The following REV3L variants were observed in gnomAD, a reference collection of about 807,000 sequenced individuals.
REV3L encodes the protein REV3 like, DNA directed polymerase zeta catalytic subunit, also known as DNA polymerase zeta catalytic subunit.
In REV3L, 69 loss-of-function variants were observed where a neutral mutation model predicts 299.4. That is an observed-to-expected ratio of 0.23 (90% confidence interval 0.19 to 0.28). The LOEUF is 0.28. Among genes scored for constraint, REV3L ranks in the 10% least tolerant of loss-of-function variants. REV3L has a pLI of 1.00. For missense variants in REV3L, 3,128 were observed against 3,693.8 expected (o/e 0.85, Z 3.97); for synonymous variants, 1,238 against 1,271.4 (o/e 0.97, Z 0.56).
At chr6:111,330,994 C>T (rs1775320269) in intron 24 of REV3L, 1 of 985,120 alleles carries the variant, frequency 1.0e-6, no homozygotes, top group Non-Finnish European at 1.2e-6. Flanking sequence ...AATTTGAGGG[C>T]TGGTGGGGTC....
At chr6:111,430,373 A>C (rs1169567249) in intron 1 of REV3L, 2 of 1,279,798 alleles carry the variant, frequency 1.6e-6, no homozygotes, top group Non-Finnish European at 2.3e-6. Context: ...AAATGAAAGA[A>C]AAGATCAAGA....
In REV3L at chr6:111,482,905, A is replaced by G. The variant is rs1276529943; in HGVS notation, c.-17T>C. 5 of 1,510,144 alleles carry G rather than the reference A, an allele frequency of 3.3e-6. No individual in the cohort carries two copies. Among genetic ancestry groups the G allele is most frequent in the Non-Finnish European group, 4.4e-6 (5 of 1,139,206 alleles). 93.5% of individuals were successfully genotyped at this position (1,510,144 alleles called of 1,614,324 possible). A position where few individuals can be genotyped will look rare whatever the true frequency, so the allele number is the denominator to read the frequency against. ...TGAAAACATGTTCGCCGCCGCCGCC[A>G]CTGCCTCCCTTCACTGGCGACCCGG... On this transcript the variant is annotated 5_prime_UTR_variant, in exon 1 of 32. Coordinates refer to ENST00000368802, the MANE Select transcript of REV3L (RefSeq NM_001372078.1).
intron 1 of REV3L, among the ~76,000 whole-genome samples, chr6:111,473,925 A>G (rs1792570458): frequency 6.6e-6 from 1 of 152,192 alleles, no homozygotes; most frequent in African/African-American, 2.4e-5. Flanking sequence ...TCTTCATACA[A>G]AATGAGTACA....
At position 111,363,660 on chromosome 6, in the gene REV3L, T is replaced by G. The variant is rs543979957; in HGVS notation, c.6879+193A>C. ...AAATCACAAAGCAGTCTCAGCAACTTAAATGCTTTAAGTTTATGTATTGTA... is the reference window on the plus strand; with the variant it reads ...AAATCACAAAGCAGTCTCAGCAACTGAAATGCTTTAAGTTTATGTATTGTA... On this transcript the variant is annotated intron_variant, in intron 16 of 31. Coordinates refer to ENST00000368802, the MANE Select transcript of REV3L (RefSeq NM_001372078.1). 8.5e-5 allele frequency among the ~76,000 whole-genome samples: 13 copies of G among 152,252 alleles called. No individual in the cohort carries two copies. In the South Asian group the frequency reaches 2.7e-3, roughly 32 times the overall value.
At chr6:111,471,798 T>C (rs150132354) in intron 1 of REV3L, among the ~76,000 whole-genome samples, 4 of 152,268 alleles carry the variant, frequency 2.6e-5, no homozygotes, top group African/African-American at 9.6e-5. Context: ...ATATCCATTG[T>C]AACAGATCCT....
chr6:111,322,430 C>G, intron 26 of REV3L, 139 bp downstream of exon 26: 2 of 663,870 alleles, frequency 3.0e-6, no homozygotes. Flanking sequence ...TGTGTTAACT[C>G]TGATCATGAG....
intron 1 of REV3L, among the ~76,000 whole-genome samples, chr6:111,444,063 A>G (rs1049914982): frequency 1.2e-4 from 18 of 152,230 alleles, no homozygotes; most frequent in Non-Finnish European, 2.2e-4. Flanking sequence ...GAGAATTAAC[A>G]AAGTGTGTAT....
chr6:111,380,077 T>A lies in REV3L; in HGVS notation c.1359A>T (p.Glu453Asp). Reference protein sequence around the residue: ...NKYPQNSDDEENEPQIEKEEM... With the variant: ...NKYPQNSDDEDNEPQIEKEEM... ...CCTCTTTTTCAATCTGTGGTTCATT[T>A]TCTTCATCATCACTATTTTGTGGAT... Residue 453 changes from glutamate to aspartate, a missense_variant, in exon 11 of 32, where the codon GAA (glutamate) becomes GAT (aspartate). Physicochemically the swap from Glu to Asp is conservative, Grantham distance 45. Coordinates refer to ENST00000368802, the MANE Select transcript of REV3L (RefSeq NM_001372078.1). 6.2e-7 allele frequency: 1 copy of A among 1,614,010 alleles called. No homozygotes were observed. Among genetic ancestry groups the A allele is most frequent in the South Asian group, 1.1e-5 (1 of 91,076 alleles).
At chr6:111,387,183 A>G (rs1048023987) in intron 9 of REV3L, among the ~76,000 whole-genome samples, 5 of 152,326 alleles carry the variant, frequency 3.3e-5, no homozygotes, top group South Asian at 2.1e-4. Context: ...GACACAAAAG[A>G]CTATATATTG....
chr6:111,317,375 T>A (rs1239198718), intron 26 of REV3L, among the ~76,000 whole-genome samples: 2 of 152,256 alleles, frequency 1.3e-5, no homozygotes, highest in Non-Finnish European at 2.9e-5. Flanking sequence ...TAAGGTAGAA[T>A]AAAAATGCCT....
chr6:111,374,385 A>G lies in REV3L; in HGVS notation c.3970T>C (p.Cys1324Arg), dbSNP rs375231016. 162 of 1,613,932 alleles carry G rather than the reference A, an allele frequency of 1.0e-4. No homozygotes were observed. The highest frequency in any genetic ancestry group is 1.3e-4 in the Non-Finnish European group (154 of 1,179,936). The change falls in exon 13 of 32, where the codon TGT becomes CGT. Residue 1324 changes from cysteine (C) to arginine (R), a missense_variant. Around this residue, in one of 9 missense-constraint regions of REV3L, gnomAD observed 2,409 missense variants for 2,611.8 expected, o/e 0.92. Transcript: ENST00000368802. Reference protein sequence around the residue: ...SRDDLHPSVVCNSIGPGVSKI... With the variant: ...SRDDLHPSVVRNSIGPGVSKI... The stretch of plus-strand genomic sequence containing the variant: ...GAGACTCCAGGTCCTATAGAATTAC[A>G]AACAACTGATGGATGCAAATCATCT...
intron 1 of REV3L, among the ~76,000 whole-genome samples, chr6:111,451,181 G>A (rs1374535513): frequency 2.0e-5 from 3 of 152,156 alleles, no homozygotes; most frequent in African/African-American, 7.2e-5. Flanking sequence ...GGAATTACAA[G>A]GGAGGAAAGC....
In REV3L at chr6:111,482,926, CCCGGCA is replaced by C; in HGVS notation, c.-44_-39del. On this transcript the variant is annotated 5_prime_UTR_variant, in exon 1 of 32. Coordinates refer to ENST00000368802, the MANE Select transcript of REV3L (RefSeq NM_001372078.1). ...CGCCACTGCCTCCCTTCACTGGCGACCCGGCAGCGGCAGCAGCAGCGGCGGCGGCTC... is the reference window on the plus strand; with the variant it reads ...CGCCACTGCCTCCCTTCACTGGCGACGCGGCAGCAGCAGCGGCGGCGGCTC... 1 of 1,490,764 alleles carries C rather than the reference CCCGGCA, an allele frequency of 6.7e-7. No homozygotes were observed. The highest frequency in any genetic ancestry group is 1.5e-5 in the African/African-American group (1 of 67,466). The allele number at this position is 1,490,764 out of a possible 1,614,324, so 92.3% of individuals were successfully genotyped here.
At chr6:111,310,572 G>A (rs1772862658) in intron 29 of REV3L, 1 of 155,468 alleles carries the variant, frequency 6.4e-6, no homozygotes, top group Non-Finnish European at 1.4e-5. Context: ...TTGAGCCTGG[G>A]AGGTCAAGGC....
chr6:111,379,936 A>G lies in REV3L; in HGVS notation c.1454+46T>C, dbSNP rs539166348. 13 of 1,100,066 alleles carry G rather than the reference A, an allele frequency of 1.2e-5. No homozygotes were observed. In the East Asian group the frequency reaches 2.1e-4, roughly 18 times the overall value. 68.1% of individuals were successfully genotyped at this position (1,100,066 alleles called of 1,614,324 possible). On this transcript the variant is annotated intron_variant, in intron 11 of 31. Coordinates refer to ENST00000368802, the MANE Select transcript of REV3L (RefSeq NM_001372078.1). ...ATAAATAATTTCTGATTGAAGGACA[A>G]TAATGATAAAAGTTAATAAAACAAC...
chr6:111,375,288 A>C lies in REV3L; in HGVS notation c.3067T>G (p.Phe1023Val). ...GGGGAGTCGGGAACTTTTGGCCAAA[A>C]GTCCTTCAAAGGTGCAAGCTTTTTA... The part of the protein sequence containing the change: ...LYKKLAPLKD[F>V]WPKVPDSPAT... The change falls in exon 13 of 32, where the codon TTT (phenylalanine) becomes GTT (valine). Residue 1023 changes from phenylalanine (F) to valine (V), a missense_variant. This residue lies in a region of REV3L where 2,409 missense variants were observed against 2,611.8 expected (regional missense o/e 0.92). Coordinates refer to ENST00000368802, the MANE Select transcript of REV3L (RefSeq NM_001372078.1). The C allele has an allele frequency of 6.2e-7, 1 of 1,603,540 alleles. No homozygotes were observed. Among genetic ancestry groups the C allele is most frequent in the Non-Finnish European group, 8.5e-7 (1 of 1,177,726 alleles).
In REV3L at chr6:111,373,708, G is replaced by C. The variant is rs2115070321; in HGVS notation, c.4647C>G (p.Asp1549Glu). Reference sequence around the variant, plus strand: ...TTGGTTGATGTTTATTGGATAATGGGTCTTGTGTAGTATTTGCATTTTGTG... The same window carrying C: ...TTGGTTGATGTTTATTGGATAATGGCTCTTGTGTAGTATTTGCATTTTGTG... Reference protein sequence around the residue: ...QKAQNANTTQDPLSNKHQPNK... With the variant: ...QKAQNANTTQEPLSNKHQPNK... Residue 1549 changes from aspartate (D) to glutamate (E), a missense_variant, in exon 13 of 32, where the codon GAC becomes GAG. Coordinates refer to ENST00000368802, the MANE Select transcript of REV3L (RefSeq NM_001372078.1). 6.2e-7 allele frequency: 1 copy of C among 1,613,838 alleles called. No homozygotes were observed. Among genetic ancestry groups the C allele is most frequent in the South Asian group, 1.1e-5 (1 of 91,014 alleles).
rs528839757 is a variant in REV3L, at chr6:111,480,676, C to T, written c.139+2074G>A. On this transcript the variant is annotated intron_variant, in intron 1 of 31. Coordinates refer to ENST00000368802, the MANE Select transcript of REV3L (RefSeq NM_001372078.1). ...TACATGGCAAATTCAATTTGATAAT[C>T]CTTAACAATTTAAAATTTGACTTTC... 4.0e-5 allele frequency among the ~76,000 whole-genome samples: 6 copies of T among 151,856 alleles called. 1 individual carries two copies. In the South Asian group the frequency reaches 1.2e-3, roughly 31 times the overall value.
chr6:111,307,701 C>A, intron 30 of REV3L, 131 bp from the exon 31 acceptor site: 1 of 790,142 alleles, frequency 1.3e-6, no homozygotes, highest in Non-Finnish European at 2.1e-6. Flanking sequence ...TGTTGAGTAG[C>A]TACTATGTGC....
Sources: allele counts gnomAD v4.1 joint callset (sites outside exome capture counted in the v4.1 genomes callset), GRCh38; gene constraint gnomAD v4.1.1; regional missense constraint gnomAD v4.1.1; transcripts MANE v1.5; gene names NCBI Gene and HGNC (gene_info 2026-07-23, HGNC 2026-07-21).